The following EFR3A variants were observed in gnomAD, a reference collection of about 807,000 sequenced individuals.
EFR3A encodes EFR3 homolog A.
A neutral mutation model predicts 104.4 loss-of-function variants in EFR3A; 76 were observed. The ratio of observed to expected loss-of-function variants is 0.73; its 90% CI spans 0.60 to 0.88. The LOEUF (loss-of-function observed/expected upper bound fraction) is 0.88. EFR3A is among the 40% of genes least tolerant of loss of function. EFR3A has a pLI of 0.00. For synonymous variants in EFR3A, 330 were observed against 330.0 expected, an observed-to-expected ratio of 1.00 and a Z score of 0.00; for missense variants, 985 against 1,012.5, an observed-to-expected ratio of 0.97 and a Z score of 0.37.
chr8:132,003,899 G>A (rs78396118), intron 22 of EFR3A, among the ~76,000 whole-genome samples: 5,450 of 152,270 alleles, frequency 0.036, 190 homozygotes, highest in African/African-American at 0.092. Flanking sequence ...ATTGACTTCA[G>A]TGTGGAAACC....
At chr8:131,934,123 A>C (rs1817752996) in intron 1 of EFR3A, among the ~76,000 whole-genome samples, 1 of 152,188 alleles carries the variant, frequency 6.6e-6, no homozygotes, top group Non-Finnish European at 1.5e-5. Context: ...TCTGAAGATA[A>C]GATTATTTTG....
At chr8:131,915,077 C>G (rs370851978) in intron 1 of EFR3A, among the ~76,000 whole-genome samples, 21 of 152,210 alleles carry the variant, frequency 1.4e-4, no homozygotes, top group South Asian at 1.2e-3. Flanking sequence ...TAGGTTGATT[C>G]CATGTCTTTG....
chr8:131,923,173 A>G (rs1486756814), intron 1 of EFR3A, among the ~76,000 whole-genome samples: 1 of 152,126 alleles, frequency 6.6e-6, no homozygotes, highest in Non-Finnish European at 1.5e-5. Context: ...CCGGCCTGTC[A>G]ATGAAGCATA....
At chr8:131,918,285 T>TCAA (rs570798606) in intron 1 of EFR3A, among the ~76,000 whole-genome samples, 17 of 152,166 alleles carry the variant, frequency 1.1e-4, no homozygotes, top group South Asian at 8.3e-4. Context: ...AGACTCTGTC[T>TCAA]CAACAACAAC....
At chr8:131,930,250 T>C (rs1227857333) in intron 1 of EFR3A, among the ~76,000 whole-genome samples, 4 of 152,108 alleles carry the variant, frequency 2.6e-5, no homozygotes, top group Non-Finnish European at 4.4e-5. Context: ...TTGGTGCTTA[T>C]GTTTTAGAGC....
At chr8:131,970,736 A>G in intron 10 of EFR3A, 93 bp downstream of exon 10, 1 of 1,206,976 alleles carries the variant, frequency 8.3e-7, no homozygotes, top group Non-Finnish European at 1.1e-6. Flanking sequence ...ACATTTGTCA[A>G]AGATGAATGA....
At chr8:131,968,086 T>C (rs542027577) in intron 8 of EFR3A, among the ~76,000 whole-genome samples, 4 of 152,266 alleles carry the variant, frequency 2.6e-5, no homozygotes, top group Admixed American at 6.5e-5. Flanking sequence ...GCAGTATGCT[T>C]TTTTTCACTC....
chr8:131,979,288 A>T (rs1820480906), intron 13 of EFR3A, 58 bp from the exon 14 acceptor site: 2 of 1,261,520 alleles, frequency 1.6e-6, no homozygotes, highest in Admixed American at 2.3e-5. Flanking sequence ...TCCATATAAG[A>T]TGTGATATTG....
chr8:131,979,724 C>G (rs1820512806), intron 14 of EFR3A, among the ~76,000 whole-genome samples: 1 of 152,130 alleles, frequency 6.6e-6, no homozygotes, highest in South Asian at 2.1e-4. Context: ...CGTACTGATT[C>G]CTCTTTTAGC....
At chr8:131,926,605 T>C (rs1817310679) in intron 1 of EFR3A, among the ~76,000 whole-genome samples, 1 of 151,998 alleles carries the variant, frequency 6.6e-6, no homozygotes, top group Non-Finnish European at 1.5e-5. Flanking sequence ...TGTAAGTTGT[T>C]TTTTTAAAAA....
At chr8:131,958,890 C>T (rs1167564309) in intron 7 of EFR3A, among the ~76,000 whole-genome samples, 2 of 152,160 alleles carry the variant, frequency 1.3e-5, no homozygotes, top group Admixed American at 6.5e-5. Flanking sequence ...CTTTATCTTA[C>T]TTAATCCTTT....
intron 2 of EFR3A, among the ~76,000 whole-genome samples, chr8:131,943,633 T>A (rs1207671111): frequency 6.6e-6 from 1 of 151,970 alleles, no homozygotes; most frequent in Non-Finnish European, 1.5e-5. Context: ...AATTACTTAC[T>A]TTTGGGGGCT....
intron 1 of EFR3A, chr8:131,924,159 C>T (rs758821321): frequency 2.6e-5 from 11 of 426,316 alleles, no homozygotes; most frequent in East Asian, 1.5e-4. Context: ...CATTTATTAC[C>T]AGAGTATGAT....
chr8:131,955,394 A>G (rs1169122140), intron 6 of EFR3A, among the ~76,000 whole-genome samples: 3 of 151,856 alleles, frequency 2.0e-5, no homozygotes, highest in African/African-American at 7.3e-5. Flanking sequence ...TTTTCACTTT[A>G]TTTTTGCCCA....
At chr8:131,968,022 A>G (rs1819845856) in intron 8 of EFR3A, among the ~76,000 whole-genome samples, 1 of 152,128 alleles carries the variant, frequency 6.6e-6, no homozygotes, top group South Asian at 2.1e-4. Flanking sequence ...TTTTATATAT[A>G]ATTTTAATTT....
intron 2 of EFR3A, among the ~76,000 whole-genome samples, chr8:131,941,126 T>G (rs957449596): frequency 6.6e-6 from 1 of 152,076 alleles, no homozygotes; most frequent in African/African-American, 2.4e-5. Context: ...TAAATAGGGA[T>G]TGACCACACA....
intron 1 of EFR3A, among the ~76,000 whole-genome samples, chr8:131,929,690 T>A (rs907045954): frequency 2.6e-5 from 4 of 152,198 alleles, no homozygotes; most frequent in Non-Finnish European, 2.9e-5. Context: ...ACTAAATGAT[T>A]GTTAAAAGAA....
rs145562941 is a variant in EFR3A at position 131,978,186 on chromosome 8, T to C, written c.1327-661T>C. ...TAATTTGATCCTAAGCCTTTATTTA[T>C]ATTAAACAAATTCCCTAAGTAAATT... On this transcript the variant is annotated intron_variant, in intron 12 of 22. Coordinates refer to ENST00000254624, the MANE Select transcript of EFR3A (RefSeq NM_015137.6). Among the ~76,000 whole-genome samples, 421 of 152,298 alleles carry C rather than the reference T, an allele frequency of 2.8e-3. 1 individual carries two copies. Among genetic ancestry groups the C allele is most frequent in the African/African-American group, 9.7e-3 (403 of 41,554 alleles).
At chr8:131,977,725 T>G (rs1432138087) in intron 12 of EFR3A, among the ~76,000 whole-genome samples, 1 of 151,668 alleles carries the variant, frequency 6.6e-6, no homozygotes, top group Non-Finnish European at 1.5e-5. Flanking sequence ...TTAAACAGAC[T>G]CTCTCAAGTG....
Sources: gnomAD v4.1 joint callset for allele counts (sites outside exome capture counted in the v4.1 genomes callset) on GRCh38, gnomAD v4.1.1 for gene constraint, MANE v1.5 for transcripts, NCBI Gene and HGNC (gene_info 2026-07-23, HGNC 2026-07-21) for gene names.